The following DNAH8 variants were observed in gnomAD, a reference collection of about 807,000 sequenced individuals.
DNAH8 encodes the protein dynein axonemal heavy chain 8, also known as axonemal beta dynein heavy chain 8.
A neutral mutation model predicts 562.1 loss-of-function variants in DNAH8; 382 were observed. That is an observed-to-expected ratio of 0.68 (90% CI 0.63 to 0.74). The LOEUF is 0.74. DNAH8 is among the 30% of genes least tolerant of loss of function. DNAH8 has a pLI of 0.00. For synonymous variants in DNAH8, 1,881 were observed against 1,919.4 expected, an observed-to-expected ratio of 0.98 and a Z score of 0.52; for missense variants, 5,203 against 5,620.4, an observed-to-expected ratio of 0.93 and a Z score of 2.37.
chr6:38,840,232 GAA>G (rs940392361), intron 33 of DNAH8, among the ~76,000 whole-genome samples: 19 of 152,132 alleles, frequency 1.2e-4, no homozygotes, highest in African/African-American at 4.6e-4. Flanking sequence ...CAAAGCTGTT[GAA>G]AACTCGGACA....
intron 33 of DNAH8, among the ~76,000 whole-genome samples, chr6:38,841,059 T>C (rs1774738725): frequency 6.6e-6 from 1 of 152,008 alleles, no homozygotes; most frequent in Non-Finnish European, 1.5e-5. Context: ...ATTGAAAAAA[T>C]AGGACAACTA....
At position 38,789,515 on chromosome 6, in the gene DNAH8, T is replaced by G. The variant is rs142805445; in HGVS notation, c.2584-288T>G. ...AAGAGGAAATGTGTAATGACAGATA[T>G]CACAAAAAGATAATAATTCAAACTA... On this transcript the variant is annotated intron_variant, in intron 18 of 92. Transcript: ENST00000327475. Among the ~76,000 whole-genome samples the G allele has an allele frequency of 3.9e-5, 6 of 152,184 alleles. No homozygotes were observed. The East Asian group carries it at 9.6e-4, about 24-fold the overall frequency.
chr6:38,784,973 A>G (rs1473532886), intron 17 of DNAH8, among the ~76,000 whole-genome samples: 1 of 152,232 alleles, frequency 6.6e-6, no homozygotes, highest in Non-Finnish European at 1.5e-5. Flanking sequence ...TAATAATTTT[A>G]TCAAGTTTTC....
At chr6:38,907,443 G>T (rs765249789) in intron 63 of DNAH8, among the ~76,000 whole-genome samples, 10 of 152,198 alleles carry the variant, frequency 6.6e-5, no homozygotes, top group Non-Finnish European at 1.0e-4. Flanking sequence ...AAACAGTCTA[G>T]TTGGCACTGC....
rs1561797537 is a variant in DNAH8, at chr6:38,874,082, TTCTTTCTTTCTTTC to T, written c.7620+714_7620+727del. Among the ~76,000 whole-genome samples, 208 of 120,940 alleles carry T rather than the reference TTCTTTCTTTCTTTC, an allele frequency of 1.7e-3. 50 individuals are homozygous for T. The highest frequency in any genetic ancestry group is 6.3e-3 in the African/African-American group (204 of 32,370). The allele number at this position is 120,940 out of a possible 152,430, so 79.3% of individuals were successfully genotyped here. ...TCTTTCTTTCTTTTTCTTTCTTTCT[TTCTTTCTTTCTTTC>T]TCTTTCTCCTTCCTTCCTTCCTCCT... On this transcript the variant is annotated intron_variant, in intron 52 of 92. Transcript: ENST00000327475.
At chr6:38,845,496 A>T in intron 35 of DNAH8, 78 bp from the exon 36 acceptor site, 1 of 1,251,622 alleles carries the variant, frequency 8.0e-7, no homozygotes, top group Non-Finnish European at 1.1e-6. Flanking sequence ...TCAAGCAAAA[A>T]AAAAATTCTA....
chr6:38,967,002 C>G lies in DNAH8; in HGVS notation c.12452-4590C>G, dbSNP rs1022808385. Among the ~76,000 whole-genome samples the G allele has an allele frequency of 2.0e-5, 3 of 152,188 alleles. No homozygotes were observed. The East Asian group carries it at 5.8e-4, about 29-fold the overall frequency. ...ATACCTTGTCACTTCCTAGTACCAT[C>G]ACTTTGGGGTTTAGGTTTCAACATA... On this transcript the variant is annotated intron_variant, in intron 82 of 92. Coordinates refer to ENST00000327475, the MANE Select transcript of DNAH8 (RefSeq NM_001206927.2).
chr6:38,956,842 G>A (rs921692171), intron 82 of DNAH8, among the ~76,000 whole-genome samples: 2 of 152,018 alleles, frequency 1.3e-5, no homozygotes, highest in Non-Finnish European at 2.9e-5. Context: ...CCCCGACCAA[G>A]GGAAGACTGC....
chr6:38,902,648 A>T (rs1780153173), intron 62 of DNAH8, among the ~76,000 whole-genome samples: 2 of 152,148 alleles, frequency 1.3e-5, no homozygotes, highest in Admixed American at 1.3e-4. Flanking sequence ...TTGCTTCATG[A>T]CAGTCGTTCC....
intron 24 of DNAH8, 46 bp downstream of exon 24, chr6:38,807,762 T>A: frequency 9.8e-7 from 1 of 1,023,694 alleles, no homozygotes; most frequent in South Asian, 2.2e-5. Flanking sequence ...ATACTTATAA[T>A]GTGAATAGCA....
At chr6:38,955,373 G>T (rs766391529) in intron 82 of DNAH8, among the ~76,000 whole-genome samples, 35 of 151,888 alleles carry the variant, frequency 2.3e-4, no homozygotes, top group Non-Finnish European at 4.6e-4. Flanking sequence ...GCTCATGCCT[G>T]TAATCCCAGC....
At chr6:38,725,052 A>C (rs1166493149) in intron 3 of DNAH8, among the ~76,000 whole-genome samples, 3 of 151,968 alleles carry the variant, frequency 2.0e-5, no homozygotes, top group Non-Finnish European at 4.4e-5. Flanking sequence ...CCTGTAATCC[A>C]AGCACTTTGG....
intron 55 of DNAH8, 79 bp downstream of exon 55, chr6:38,883,535 TA>T: frequency 7.4e-7 from 1 of 1,347,620 alleles, no homozygotes; most frequent in East Asian, 2.5e-5. Context: ...TGTACGCATA[TA>T]AAATGTGAAA....
chr6:38,757,772 A>G (rs535990089), intron 10 of DNAH8, among the ~76,000 whole-genome samples: 1 of 152,338 alleles, frequency 6.6e-6, no homozygotes, highest in Admixed American at 6.5e-5. Flanking sequence ...CATTTATTAA[A>G]TAGGGAATCG....
chr6:38,830,098 A>G (rs1296991259), intron 30 of DNAH8, among the ~76,000 whole-genome samples: 3 of 152,000 alleles, frequency 2.0e-5, no homozygotes, highest in African/African-American at 7.3e-5. Flanking sequence ...CAAATAAAAA[A>G]CTTTGGTTTG....
At chr6:38,841,105 C>T (rs1774742352) in intron 33 of DNAH8, among the ~76,000 whole-genome samples, 2 of 152,122 alleles carry the variant, frequency 1.3e-5, no homozygotes. Flanking sequence ...GTAAAATCTA[C>T]TACGCCTACA....
chr6:38,826,401 G>T lies in DNAH8; in HGVS notation c.4083+10G>T. 2 of 1,541,788 alleles carry T rather than the reference G, an allele frequency of 1.3e-6. No homozygotes were observed. Among genetic ancestry groups the T allele is most frequent in the South Asian group, 1.2e-5 (1 of 82,640 alleles). ...TTTGGGACCAATTGAAGTAAGAAAT[G>T]ATTGCATTTTTTTTTCTTGGAATGC... is the stretch of plus-strand genomic sequence containing the variant. On this transcript the variant is annotated intron_variant, in intron 29 of 92. Coordinates refer to ENST00000327475, the MANE Select transcript of DNAH8 (RefSeq NM_001206927.2).
chr6:38,764,754 T>C (rs1487168606), intron 11 of DNAH8: 2 of 152,090 alleles, frequency 1.3e-5, no homozygotes, highest in African/African-American at 2.4e-5. Flanking sequence ...TAATTGGAGA[T>C]GCTAAGCACC....
chr6:38,761,814 G>A lies in DNAH8; in HGVS notation c.1617+11G>A, dbSNP rs767281114. ...CTAAAGAAAATTCAGGTTTGTAGAA[G>A]TACTTTTATTTTCATAAACTAAATC... On this transcript the variant is annotated intron_variant, in intron 11 of 92. Coordinates refer to ENST00000327475, the MANE Select transcript of DNAH8 (RefSeq NM_001206927.2). 1.4e-6 allele frequency: 2 copies of A among 1,465,134 alleles called. No individual in the cohort carries two copies. The highest frequency in any genetic ancestry group is 1.8e-6 in the Non-Finnish European group (2 of 1,084,034). 90.8% of individuals were successfully genotyped at this position (1,465,134 alleles called of 1,614,324 possible). A position where few individuals can be genotyped will look rare whatever the true frequency, so the allele number is the denominator to read the frequency against.
Sources: allele counts gnomAD v4.1 joint callset (sites outside exome capture counted in the v4.1 genomes callset), GRCh38; gene constraint gnomAD v4.1.1; transcripts MANE v1.5; gene names NCBI Gene and HGNC (gene_info 2026-07-23, HGNC 2026-07-21).